TLK2: variants seen among roughly 807,000 people sequenced by gnomAD.
TLK2 encodes the protein tousled like kinase 2.
Under a neutral mutation model 117.3 loss-of-function variants are expected in TLK2, and 6 were observed. The ratio of observed to expected loss-of-function variants is 0.05; its 90% CI spans 0.03 to 0.10. The LOEUF (loss-of-function observed/expected upper bound fraction) is 0.10. Ranked by LOEUF, TLK2 falls within the 10% of genes least tolerant of loss-of-function variation. TLK2 has a pLI of 1.00. For synonymous variants in TLK2, 257 were observed against 316.7 expected (o/e 0.81, Z 2.00); for missense variants, 299 against 901.2 (o/e 0.33, Z 8.56).
chr17:62,508,975 A>G (rs1191410468), intron 2 of TLK2, among the ~76,000 whole-genome samples: 2 of 152,204 alleles, frequency 1.3e-5, no homozygotes, highest in East Asian at 3.8e-4. Context: ...CTCAACAACA[A>G]CAACAACAAA....
intron 9 of TLK2, among the ~76,000 whole-genome samples, chr17:62,555,595 A>G (rs529326368): frequency 1.4e-3 from 204 of 149,858 alleles, no homozygotes; most frequent in African/African-American, 4.8e-3. Flanking sequence ...CAATTCTCCT[A>G]CCTCAGCCTC....
chr17:62,610,896 A>G (rs1279919462), intron 21 of TLK2, among the ~76,000 whole-genome samples: 1 of 152,194 alleles, frequency 6.6e-6, no homozygotes, highest in Admixed American at 6.5e-5. Context: ...CTGTAATCCT[A>G]TGGGAAGATG....
chr17:62,508,168 G>GTTTTTTTTTTTTTT (rs34268998), intron 2 of TLK2, among the ~76,000 whole-genome samples: 1 of 125,760 alleles, frequency 8.0e-6, no homozygotes. Flanking sequence ...AAATTTCCTA[G>GTTTTTTTTTTTTTT]TTTTTTTTTT....
intron 7 of TLK2, among the ~76,000 whole-genome samples, chr17:62,545,080 G>A (rs2077802250): frequency 6.6e-6 from 1 of 152,136 alleles, no homozygotes; most frequent in South Asian, 2.1e-4. Flanking sequence ...AGGCTGTAGT[G>A]CAGTGGTGCG....
chr17:62,484,823 A>G (rs933228512), intron 2 of TLK2, among the ~76,000 whole-genome samples: 2 of 151,988 alleles, frequency 1.3e-5, no homozygotes, highest in African/African-American at 4.8e-5. Flanking sequence ...TTGGGAGGCT[A>G]AAGCAGGCAG....
At chr17:62,581,836 T>C (rs1044698086) in intron 15 of TLK2, among the ~76,000 whole-genome samples, 1 of 152,240 alleles carries the variant, frequency 6.6e-6, no homozygotes, top group African/African-American at 2.4e-5. Context: ...TTTGATGTCA[T>C]AATTATTCTA....
At chr17:62,573,539 G>T (rs1240583601) in intron 12 of TLK2, among the ~76,000 whole-genome samples, 172 bp downstream of exon 12, 1 of 152,146 alleles carries the variant, frequency 6.6e-6, no homozygotes, top group East Asian at 1.9e-4. Context: ...AAAATTAATT[G>T]ATTTTCTTAA....
At chr17:62,473,808 G>T (rs1385565899) in intron 1 of TLK2, among the ~76,000 whole-genome samples, 2 of 152,224 alleles carry the variant, frequency 1.3e-5, no homozygotes, top group African/African-American at 4.8e-5. Context: ...AGAGTTGGTA[G>T]TTACGACAGA....
At chr17:62,488,545 C>CT (rs1386188095) in intron 2 of TLK2, among the ~76,000 whole-genome samples, 1 of 152,142 alleles carries the variant, frequency 6.6e-6, no homozygotes, top group Non-Finnish European at 1.5e-5. Flanking sequence ...GATTAATTTA[C>CT]TTTAGTATTT....
At chr17:62,509,258 T>A (rs2074964905) in intron 2 of TLK2, among the ~76,000 whole-genome samples, 1 of 152,014 alleles carries the variant, frequency 6.6e-6, no homozygotes, top group African/African-American at 2.4e-5. Flanking sequence ...CCGGGTAATT[T>A]TCTAATTTTT....
intron 2 of TLK2, among the ~76,000 whole-genome samples, chr17:62,494,520 G>A (rs1158118159): frequency 6.6e-6 from 1 of 152,134 alleles, no homozygotes; most frequent in African/African-American, 2.4e-5. Context: ...GCCTTTCAAA[G>A]TGTTGGGATT....
At chr17:62,517,624 C>T (rs541214293) in intron 2 of TLK2, among the ~76,000 whole-genome samples, 17 of 152,130 alleles carry the variant, frequency 1.1e-4, no homozygotes, top group Admixed American at 3.3e-4. Flanking sequence ...CATTGTGATC[C>T]GCCCGCCTCG....
chr17:62,488,540 ATTTAC>A (rs2072736234), intron 2 of TLK2, among the ~76,000 whole-genome samples: 1 of 152,134 alleles, frequency 6.6e-6, no homozygotes, highest in Non-Finnish European at 1.5e-5. Flanking sequence ...CTGTGGATTA[ATTTAC>A]TTTAGTATTT....
At chr17:62,486,406 C>T (rs1269329831) in intron 2 of TLK2, among the ~76,000 whole-genome samples, 22 of 152,110 alleles carry the variant, frequency 1.4e-4, no homozygotes, top group Admixed American at 5.2e-4. Flanking sequence ...ATGATCCGCC[C>T]GCCTCGGCCT....
chr17:62,482,183 A>G (rs947281898), intron 2 of TLK2, among the ~76,000 whole-genome samples: 6 of 151,774 alleles, frequency 4.0e-5, no homozygotes, highest in African/African-American at 1.2e-4. Context: ...TCCTGACCTC[A>G]GGTGATCCAC....
chr17:62,510,570 T>A (rs1214415992), intron 2 of TLK2, among the ~76,000 whole-genome samples: 5 of 152,218 alleles, frequency 3.3e-5, no homozygotes, highest in Non-Finnish European at 2.9e-5. Flanking sequence ...AGAAGTGCAA[T>A]AGCAAGGTGT....
rs767124913 is a variant in TLK2 at position 62,573,329 on chromosome 17, A to G, written c.1083A>G (p.Lys361=). 6.2e-7 allele frequency: 1 copy of G among 1,614,122 alleles called. No individual in the cohort carries two copies. Among genetic ancestry groups the G allele is most frequent in the East Asian group, 2.2e-5 (1 of 44,870 alleles). Residue 361 remains lysine (K), a synonymous_variant, in exon 12 of 22, where the codon AAA becomes AAG. Transcript: ENST00000346027. ...GQAPPATNEQ[K]QRKSKTNGAE... is the part of the protein sequence containing the mutation. Reference sequence around the variant, plus strand: ...CCCCTCCTGCAACCAATGAGCAGAAACAGCGGAAAAGCAAGACCAATGGAG... The same window carrying G: ...CCCCTCCTGCAACCAATGAGCAGAAGCAGCGGAAAAGCAAGACCAATGGAG...
In TLK2 at chr17:62,480,662, A is replaced by G. The variant is rs534761449; in HGVS notation, c.-5-459A>G. On this transcript the variant is annotated intron_variant, in intron 1 of 21. Coordinates refer to ENST00000346027, the MANE Select transcript of TLK2 (RefSeq NM_006852.6). Reference sequence around the variant, plus strand: ...TTATTTGTAGCTTCTGATTCATCCTATATTCTTTTGAAATTATTGTCAATG... The same window carrying G: ...TTATTTGTAGCTTCTGATTCATCCTGTATTCTTTTGAAATTATTGTCAATG... Among the ~76,000 whole-genome samples, 469 of 152,288 alleles carry G rather than the reference A, an allele frequency of 3.1e-3. 4 individuals carry two copies. Among genetic ancestry groups the G allele is most frequent in the Non-Finnish European group, 5.0e-3 (341 of 68,026 alleles).
At chr17:62,600,243 CA>C (rs11290220) in intron 17 of TLK2, 101,625 of 150,608 alleles carry the variant, frequency 0.67, 34,102 homozygotes, top group East Asian at 0.82. Flanking sequence ...GACGGAGTCT[CA>C]AAAAAAAAAA....
Sources: gnomAD v4.1 joint callset for allele counts (sites outside exome capture counted in the v4.1 genomes callset) on GRCh38, gnomAD v4.1.1 for gene constraint, MANE v1.5 for transcripts, NCBI Gene and HGNC (gene_info 2026-07-23, HGNC 2026-07-21) for gene names.